Variants in SH3GL2 observed in about 807,000 individuals in gnomAD.
The protein encoded by SH3GL2 is SH3 domain containing GRB2 like 2, endophilin A1, also known as endophilin-A1.
In SH3GL2, 24 loss-of-function variants were observed where a neutral mutation model predicts 46.0. The ratio of observed to expected loss-of-function variants is 0.52; its 90% CI spans 0.38 to 0.73. The LOEUF (loss-of-function observed/expected upper bound fraction) is 0.73. Ranked by LOEUF, SH3GL2 falls within the 30% of genes least tolerant of loss-of-function variation. The pLI, the probability that SH3GL2 is intolerant of heterozygous loss-of-function variation, is 0.00. For synonymous variants in SH3GL2, 196 were observed against 147.1 expected (o/e 1.33, Z -2.40); for missense variants, 413 against 424.2 (o/e 0.97, Z 0.23).
At chr9:17,762,398 T>TAA (rs780023996) in intron 3 of SH3GL2, among the ~76,000 whole-genome samples, 2 of 139,490 alleles carry the variant, frequency 1.4e-5, no homozygotes, top group African/African-American at 2.7e-5. Context: ...GGACAAGTGA[T>TAA]CAAAAAAAAA....
chr9:17,666,578 G>GTGTATA (rs144961549), intron 1 of SH3GL2, among the ~76,000 whole-genome samples: 11,941 of 147,940 alleles, frequency 0.081, 782 homozygotes, highest in East Asian at 0.34. Flanking sequence ...GTGTGTGTGT[G>GTGTATA]TATATACATT....
chr9:17,768,882 A>C (rs569412117), intron 3 of SH3GL2, among the ~76,000 whole-genome samples: 1 of 152,350 alleles, frequency 6.6e-6, no homozygotes, highest in Admixed American at 6.5e-5. Flanking sequence ...TTCCTCACTT[A>C]GAATAAAATT....
At chr9:17,592,965 T>C (rs1818512054) in intron 1 of SH3GL2, among the ~76,000 whole-genome samples, 1 of 152,170 alleles carries the variant, frequency 6.6e-6, no homozygotes, top group African/African-American at 2.4e-5. Flanking sequence ...GTCATGCCTA[T>C]GTAATGAAGC....
intron 1 of SH3GL2, among the ~76,000 whole-genome samples, chr9:17,688,850 G>A (rs573322741): frequency 6.6e-6 from 1 of 151,994 alleles, no homozygotes. Context: ...ATTAATAAAT[G>A]GGGGAGAAGA....
At chr9:17,738,585 G>T (rs1393633073) in intron 1 of SH3GL2, among the ~76,000 whole-genome samples, 98 of 87,510 alleles carry the variant, frequency 1.1e-3, no homozygotes, top group South Asian at 4.4e-3. Flanking sequence ...TAGAGAGAGA[G>T]AGAGAGAGAA....
Position 17,579,127 on chromosome 9 carries a change from C to T in SH3GL2, c.-116C>T, listed in dbSNP as rs370425871. 53 of 618,364 alleles carry T rather than the reference C, an allele frequency of 8.6e-5. No individual in the cohort carries two copies. The East Asian group carries it at 1.2e-3, about 14-fold the overall frequency. The allele number at this position is 618,364 out of a possible 1,614,324, so 38.3% of individuals were successfully genotyped here. On this transcript the variant is annotated 5_prime_UTR_variant, in exon 1 of 9. Transcript: ENST00000380607. ...AGGCTCCGCGCCCTCGCGCCCATAG[C>T]CCCGGCGGCGGCACGACCAGAGGCG...
At chr9:17,649,355 C>G (rs763944907) in intron 1 of SH3GL2, among the ~76,000 whole-genome samples, 1 of 152,202 alleles carries the variant, frequency 6.6e-6, no homozygotes, top group Non-Finnish European at 1.5e-5. Context: ...GCGTGAGCCA[C>G]CATACCTGCC....
chr9:17,784,875 G>A (rs1823910169), intron 3 of SH3GL2, among the ~76,000 whole-genome samples: 1 of 152,088 alleles, frequency 6.6e-6, no homozygotes. Context: ...ACCATGCCCT[G>A]CTAACTTTTA....
chr9:17,590,812 G>T (rs1364701295), intron 1 of SH3GL2: 1 of 152,220 alleles, frequency 6.6e-6, no homozygotes, highest in Admixed American at 6.5e-5. Flanking sequence ...GTCTCACTCT[G>T]TCGCAGTGGC....
intron 1 of SH3GL2, among the ~76,000 whole-genome samples, chr9:17,603,307 A>T (rs1365722070): frequency 1.3e-5 from 2 of 152,188 alleles, no homozygotes; most frequent in Non-Finnish European, 2.9e-5. Context: ...ATAGATAAAC[A>T]AAATATGGTA....
At chr9:17,779,496 T>C (rs1055245539) in intron 3 of SH3GL2, among the ~76,000 whole-genome samples, 3 of 152,098 alleles carry the variant, frequency 2.0e-5, no homozygotes, top group Admixed American at 1.3e-4. Flanking sequence ...CCTTTCTTTA[T>C]AGATGCAGCC....
chr9:17,658,715 C>G (rs1356196283), intron 1 of SH3GL2, among the ~76,000 whole-genome samples: 1 of 152,174 alleles, frequency 6.6e-6, no homozygotes, highest in Non-Finnish European at 1.5e-5. Context: ...AATTACAGAG[C>G]TGTTGGAAAT....
chr9:17,600,925 A>G (rs1818657410), intron 1 of SH3GL2, among the ~76,000 whole-genome samples: 1 of 152,186 alleles, frequency 6.6e-6, no homozygotes, highest in Non-Finnish European at 1.5e-5. Flanking sequence ...ACCTTAATGA[A>G]TTTTGGAGCT....
At chr9:17,699,568 A>T (rs910724877) in intron 1 of SH3GL2, among the ~76,000 whole-genome samples, 3 of 152,196 alleles carry the variant, frequency 2.0e-5, no homozygotes, top group Non-Finnish European at 4.4e-5. Context: ...TCCTGCTGCC[A>T]TCCCTGGCCT....
chr9:17,695,713 T>C (rs918184088), intron 1 of SH3GL2, among the ~76,000 whole-genome samples: 5 of 152,052 alleles, frequency 3.3e-5, no homozygotes, highest in Non-Finnish European at 7.4e-5. Context: ...AGGGTAGCTA[T>C]TATGCAGAGA....
At chr9:17,727,405 T>C (rs1445871663) in intron 1 of SH3GL2, among the ~76,000 whole-genome samples, 1 of 152,200 alleles carries the variant, frequency 6.6e-6, no homozygotes, top group African/African-American at 2.4e-5. Flanking sequence ...AGACTCCACC[T>C]GACCCTCAAG....
chr9:17,580,316 A>T (rs1818254365), intron 1 of SH3GL2, among the ~76,000 whole-genome samples: 1 of 152,222 alleles, frequency 6.6e-6, no homozygotes. Flanking sequence ...GAGCTTTCTC[A>T]TAATTTCTCG....
At chr9:17,676,550 G>A (rs1323965051) in intron 1 of SH3GL2, among the ~76,000 whole-genome samples, 1 of 152,184 alleles carries the variant, frequency 6.6e-6, no homozygotes, top group Non-Finnish European at 1.5e-5. Flanking sequence ...AGGTTGCAAT[G>A]AGCTGAGATT....
intron 1 of SH3GL2, among the ~76,000 whole-genome samples, chr9:17,709,883 C>G (rs1053650321): frequency 2.0e-5 from 3 of 151,838 alleles, no homozygotes; most frequent in African/African-American, 7.3e-5. Flanking sequence ...AAATATGCAT[C>G]CTTTTCTTAA....
Sources: gnomAD v4.1 joint callset for allele counts (sites outside exome capture counted in the v4.1 genomes callset) on GRCh38, gnomAD v4.1.1 for gene constraint, MANE v1.5 for transcripts, NCBI Gene and HGNC (gene_info 2026-07-23, HGNC 2026-07-21) for gene names.